IL1R1: variants seen among roughly 807,000 people sequenced by gnomAD.
The protein encoded by IL1R1 is interleukin-1 receptor type 1.
In IL1R1, 22 loss-of-function variants were observed where a neutral mutation model predicts 50.2. The observed-to-expected ratio is 0.44, with a 90% CI of 0.31 to 0.63. The LOEUF (loss-of-function observed/expected upper bound fraction) is 0.63, where lower values mean the gene tolerates loss of function less well. IL1R1 is among the 20% of genes least tolerant of loss of function. The pLI is 0.07. For missense variants in IL1R1, 509 were observed against 676.2 expected (o/e 0.75, Z 2.74); for synonymous variants, 251 against 236.7 (o/e 1.06, Z -0.55).
chr2:102,075,475 A>C (rs759659674), intron 1 of IL1R1, among the ~76,000 whole-genome samples: 3 of 152,178 alleles, frequency 2.0e-5, no homozygotes, highest in Non-Finnish European at 4.4e-5. Context: ...TAAAATTTAA[A>C]TGTTAAAGAG....
chr2:102,116,763 G>A (rs527562227), intron 1 of IL1R1, among the ~76,000 whole-genome samples: 28 of 152,276 alleles, frequency 1.8e-4, no homozygotes, highest in African/African-American at 6.5e-4. Flanking sequence ...CCTTCCTCTT[G>A]GGTTCACTTT....
intron 1 of IL1R1, among the ~76,000 whole-genome samples, chr2:102,090,720 G>A (rs976265069): frequency 1.3e-5 from 2 of 151,940 alleles, no homozygotes; most frequent in South Asian, 2.1e-4. Context: ...ATGTTTTTCT[G>A]CATCTTCTTG....
At chr2:102,146,816 C>G (rs905336865) in intron 1 of IL1R1, among the ~76,000 whole-genome samples, 3 of 152,182 alleles carry the variant, frequency 2.0e-5, no homozygotes, top group Admixed American at 1.3e-4. Context: ...GCAGAACTGC[C>G]TGTGTTGTTC....
chr2:102,072,927 C>T (rs992532909), intron 1 of IL1R1, among the ~76,000 whole-genome samples: 1 of 152,184 alleles, frequency 6.6e-6, no homozygotes, highest in Non-Finnish European at 1.5e-5. Context: ...CCCTTCCCGG[C>T]CAGTTCTGAG....
At chr2:102,077,229 C>A (rs577527905) in intron 1 of IL1R1, among the ~76,000 whole-genome samples, 1 of 152,218 alleles carries the variant, frequency 6.6e-6, no homozygotes, top group East Asian at 1.9e-4. Flanking sequence ...TGCCACCATG[C>A]TGGTCTAATT....
At position 102,172,031 on chromosome 2, in the gene IL1R1, C is replaced by CTTTTTTTTTTTTTTTTTT. The variant is rs35265416; in HGVS notation, c.839+121_839+138dup. 10 of 87,248 alleles carry CTTTTTTTTTTTTTTTTTT rather than the reference C, an allele frequency of 1.1e-4. 1 individual carries two copies. Among genetic ancestry groups the CTTTTTTTTTTTTTTTTTT allele is most frequent in the Admixed American group, 3.5e-4 (2 of 5,660 alleles). The allele number at this position is 87,248 out of a possible 1,614,324, so 5.4% of individuals were successfully genotyped here. On this transcript the variant is annotated intron_variant, in intron 8 of 11. Transcript: ENST00000410023. ...GTTAGTTGCTCCTAACCTTTGCTGCCTTTTTTTTTTTTTTTTTTTTTTTTT... is the reference window on the plus strand; with the variant it reads ...GTTAGTTGCTCCTAACCTTTGCTGCCTTTTTTTTTTTTTTTTTTTTTTTTTTTTTTTTTTTTTTTTTTT...
intron 1 of IL1R1, among the ~76,000 whole-genome samples, chr2:102,135,196 C>T (rs1439463717): frequency 2.0e-5 from 3 of 152,200 alleles, no homozygotes; most frequent in Admixed American, 1.3e-4. Context: ...TTTTATGAAC[C>T]TATGCCTGGG....
chr2:102,107,506 G>C (rs1028003152), intron 1 of IL1R1, among the ~76,000 whole-genome samples: 3 of 151,934 alleles, frequency 2.0e-5, no homozygotes, highest in South Asian at 2.1e-4. Context: ...GTGGGAGGAG[G>C]GGGGAGGGAT....
chr2:102,076,519 G>A (rs1412773585), intron 1 of IL1R1, among the ~76,000 whole-genome samples: 2 of 152,056 alleles, frequency 1.3e-5, no homozygotes, highest in African/African-American at 4.8e-5. Context: ...AATTATTTCA[G>A]TTTATAGATG....
In IL1R1 at chr2:102,146,066, G is replaced by T. The variant is rs1438873134; in HGVS notation, c.-84+3046G>T. On this transcript the variant is annotated intron_variant, in intron 1 of 11. Transcript: ENST00000410023. ...AGGTGAGAATAGTGAGTTTTCGGTG[G>T]TCTCTTGAAATGACCCTCCCTGTAA... Among the ~76,000 whole-genome samples the T allele has an allele frequency of 2.0e-5, 3 of 152,096 alleles. No individual in the cohort carries two copies. In the East Asian group the frequency reaches 5.8e-4, roughly 29 times the overall value.
intron 1 of IL1R1, among the ~76,000 whole-genome samples, chr2:102,078,298 C>T (rs1182809746): frequency 5.3e-5 from 8 of 151,578 alleles, no homozygotes; most frequent in Non-Finnish European, 8.8e-5. Flanking sequence ...AAAAGATAAA[C>T]AAAACTGGCA....
chr2:102,154,406 C>T (rs1006956065), intron 2 of IL1R1, among the ~76,000 whole-genome samples: 2 of 152,204 alleles, frequency 1.3e-5, no homozygotes, highest in Non-Finnish European at 2.9e-5. Flanking sequence ...CTGCTCACCT[C>T]GTTCCAAGAG....
At chr2:102,070,555 C>A (rs1200448490) in intron 1 of IL1R1, 7 of 152,172 alleles carry the variant, frequency 4.6e-5, no homozygotes, top group Non-Finnish European at 1.0e-4. Context: ...AAGGGCCCGC[C>A]CTGGCTTCCT....
intron 2 of IL1R1, 49 bp downstream of exon 2, chr2:102,154,066 A>C (rs1683942586): frequency 6.6e-6 from 1 of 152,346 alleles, no homozygotes; most frequent in South Asian, 2.1e-4. Flanking sequence ...CTTTTCTCAC[A>C]AATAGCTGAA....
chr2:102,134,501 T>C (rs7606726), intron 1 of IL1R1, among the ~76,000 whole-genome samples: 63,297 of 151,786 alleles, frequency 0.42, 14,984 homozygotes, highest in African/African-American at 0.66. Context: ...GCCTCAGCCT[T>C]CCGAGTAGCT....
chr2:102,172,208 T>C, intron 8 of IL1R1: 1 of 902,084 alleles, frequency 1.1e-6, no homozygotes, highest in Non-Finnish European at 1.3e-6. Flanking sequence ...TTATTCTTCA[T>C]ATTCCTCAAG....
chr2:102,124,931 A>AG (rs1681615763), intron 1 of IL1R1, among the ~76,000 whole-genome samples: 1 of 150,830 alleles, frequency 6.6e-6, no homozygotes. Flanking sequence ...ATAAAAAAAA[A>AG]TAAGACCTCC....
rs13383186 is a variant in IL1R1, at chr2:102,079,596, C to T, written c.-84+9063C>T. 3.0e-3 allele frequency among the ~76,000 whole-genome samples: 459 copies of T among 152,138 alleles called. 1 individual carries two copies. The highest frequency in any genetic ancestry group is 0.011 in the African/African-American group (442 of 41,542). On this transcript the variant is annotated intron_variant, in intron 1 of 11. Transcript: ENST00000409929. The stretch of plus-strand genomic sequence containing the variant: ...ATATTATTGAAAGTAATTTTAAAAT[C>T]GCTCAATTAATTGAAAGACATCCCA...
upstream of IL1R1, among the ~76,000 whole-genome samples, chr2:102,099,629 G>A (rs181102841): frequency 6.6e-6 from 1 of 152,118 alleles, no homozygotes; most frequent in Non-Finnish European, 1.5e-5. Flanking sequence ...CATGACAAGA[G>A]CGTGTCTGAG....
Sources: allele counts gnomAD v4.1 joint callset (sites outside exome capture counted in the v4.1 genomes callset), GRCh38; gene constraint gnomAD v4.1.1; transcripts MANE v1.5; gene names NCBI Gene and HGNC (gene_info 2026-07-23, HGNC 2026-07-21).